UNC45B: variants seen among roughly 807,000 people sequenced by gnomAD.
UNC45B encodes unc-45 myosin chaperone B, also known as protein unc-45 homolog B.
UNC45B carries 78 observed loss-of-function variants against 98.7 expected under a neutral mutation model. The ratio of observed to expected loss-of-function variants is 0.79; its 90% CI spans 0.66 to 0.95. UNC45B has a LOEUF of 0.95. UNC45B is among the 40% of genes least tolerant of loss of function. UNC45B has a pLI of 0.00. For synonymous variants in UNC45B, 462 were observed against 480.4 expected, an observed-to-expected ratio of 0.96 and a Z score of 0.50; for missense variants, 1,225 against 1,184.9, an observed-to-expected ratio of 1.03 and a Z score of -0.50.
At chr17:35,164,469 C>T in intron 9 of UNC45B, 1 of 245,774 alleles carries the variant, frequency 4.1e-6, no homozygotes. Flanking sequence ...CTTGGTTCCT[C>T]TCCCTGCAGA....
intron 16 of UNC45B, 140 bp from the exon 17 acceptor site, chr17:35,177,355 C>A (rs1182329917): frequency 1.8e-5 from 13 of 716,890 alleles, no homozygotes; most frequent in Non-Finnish European, 2.8e-5. Flanking sequence ...ATAATCCTGC[C>A]TGTCAGGATC....
chr17:35,169,979 C>G, intron 11 of UNC45B, 48 bp downstream of exon 11: 1 of 1,611,816 alleles, frequency 6.2e-7, no homozygotes, highest in Non-Finnish European at 8.5e-7. Flanking sequence ...ATGCGCCTTC[C>G]GGGCAAGAGT....
intron 8 of UNC45B, 132 bp from the exon 9 acceptor site, chr17:35,163,863 A>T: frequency 9.2e-7 from 1 of 1,091,810 alleles, no homozygotes; most frequent in Non-Finnish European, 1.3e-6. Flanking sequence ...AGGCCCTTTC[A>T]TTCTGGATGA....
At chr17:35,182,091 C>CTT (rs199562451) in intron 18 of UNC45B, among the ~76,000 whole-genome samples, 4 of 144,832 alleles carry the variant, frequency 2.8e-5, no homozygotes, top group East Asian at 2.1e-4. Context: ...GGGTGGCTCA[C>CTT]TTTTTTTTTT....
chr17:35,166,548 G>A (rs2092142723), intron 9 of UNC45B, among the ~76,000 whole-genome samples: 3 of 152,142 alleles, frequency 2.0e-5, no homozygotes, highest in African/African-American at 7.2e-5. Flanking sequence ...AGGGGTCACT[G>A]CCTTCATCAA....
chr17:35,156,879 G>T (rs937242266), intron 7 of UNC45B, among the ~76,000 whole-genome samples: 1 of 151,912 alleles, frequency 6.6e-6, no homozygotes, highest in Non-Finnish European at 1.5e-5. Flanking sequence ...TCTGCACTGA[G>T]CATTATATTA....
intron 3 of UNC45B, 96 bp downstream of exon 3, chr17:35,149,105 G>C (rs773815470): frequency 5.0e-6 from 7 of 1,410,140 alleles, no homozygotes; most frequent in Non-Finnish European, 7.0e-6. Context: ...GAAACAGTGA[G>C]TATGGAGTGA....
At chr17:35,166,628 G>A (rs753274052) in intron 9 of UNC45B, among the ~76,000 whole-genome samples, 16 of 152,186 alleles carry the variant, frequency 1.1e-4, no homozygotes, top group Non-Finnish European at 2.1e-4. Flanking sequence ...GGCTGTGTGG[G>A]GACCCAGTGC....
chr17:35,149,044 C>T, intron 3 of UNC45B, 35 bp downstream of exon 3: 1 of 1,613,510 alleles, frequency 6.2e-7, no homozygotes, highest in Non-Finnish European at 8.5e-7. Flanking sequence ...TGCCCTGTCA[C>T]ATTCTCCTCT....
Position 35,164,051 on chromosome 17 carries a change from C to T in UNC45B, c.1036C>T (p.Pro346Ser), listed in dbSNP as rs571014198. 3 of 1,613,862 alleles carry T rather than the reference C, an allele frequency of 1.9e-6. No individual in the cohort carries two copies. Among genetic ancestry groups the T allele is most frequent in the African/African-American group, 1.3e-5 (1 of 74,868 alleles). Residue 346 changes from proline to serine, a missense_variant, in exon 9 of 20, where the codon CCC becomes TCC. Physicochemically the swap from Pro to Ser is moderately conservative, Grantham distance 74. Coordinates refer to ENST00000394570, the MANE Select transcript of UNC45B (RefSeq NM_001267052.2). ...GQVPDLPSCL[P>S]LTDNTRMLAS... ...GGTTCCAGATCTGCCATCCTGCCTG[C>T]CCCTGACTGACAACACCCGCATGCT...
chr17:35,171,510 C>A, intron 13 of UNC45B, 48 bp downstream of exon 13: 1 of 1,591,820 alleles, frequency 6.3e-7, no homozygotes, highest in Non-Finnish European at 8.6e-7. Context: ...GCCACTAGGC[C>A]TCCAAAGGAG....
In UNC45B at chr17:35,150,173, C is replaced by A. The variant is rs1192441457; in HGVS notation, c.331C>A (p.Gln111Lys). The A allele has an allele frequency of 6.2e-7, 1 of 1,613,660 alleles. No homozygotes were observed. The highest frequency in any genetic ancestry group is 1.3e-5 in the African/African-American group (1 of 74,944). The change falls in exon 4 of 20, where the codon CAG becomes AAG. Residue 111 changes from glutamine (Q) to lysine (K), a missense_variant. Coordinates refer to ENST00000394570, the MANE Select transcript of UNC45B (RefSeq NM_001267052.2). ...TTGTGCCACCCTCGAGCCACGGAAC[C>A]AGAACTTCCAGGAGATGCTGAGGAG... Reference protein sequence around the residue: ...QRCATLEPRNQNFQEMLRRLN... With the variant: ...QRCATLEPRNKNFQEMLRRLN...
chr17:35,160,395 G>A (rs563507258), intron 8 of UNC45B, among the ~76,000 whole-genome samples: 1 of 152,218 alleles, frequency 6.6e-6, no homozygotes, highest in African/African-American at 2.4e-5. Context: ...TTTTCCTTTG[G>A]TTTAGGGAGT....
rs1020060499 is a variant in UNC45B at position 35,174,504 on chromosome 17, G to A, written c.1958+135G>A. 9.3e-6 allele frequency: 12 copies of A among 1,285,814 alleles called. No individual in the cohort carries two copies. The African/African-American group carries it at 1.3e-4, about 14-fold the overall frequency. The allele number at this position is 1,285,814 out of a possible 1,614,324, so 79.7% of individuals were successfully genotyped here. On this transcript the variant is annotated intron_variant, in intron 14 of 19. Transcript: ENST00000394570. ...AAACTATTGGGAAAGCCTGGAGAAA[G>A]GTCTGAGGGGATCAGCTTTGAAAAG...
intron 9 of UNC45B, among the ~76,000 whole-genome samples, chr17:35,165,711 G>A (rs556649445): frequency 3.7e-4 from 57 of 152,298 alleles, no homozygotes; most frequent in African/African-American, 1.2e-3. Flanking sequence ...GCCGAGGAGC[G>A]CGGATCACCT....
chr17:35,165,268 C>A (rs1312985973), intron 9 of UNC45B, among the ~76,000 whole-genome samples: 1 of 152,212 alleles, frequency 6.6e-6, no homozygotes, highest in East Asian at 1.9e-4. Flanking sequence ...ACTCATGTGG[C>A]TTTGCAGAGC....
At chr17:35,176,743 A>T (rs1178307440) in intron 15 of UNC45B, among the ~76,000 whole-genome samples, 1 of 152,224 alleles carries the variant, frequency 6.6e-6, no homozygotes, top group Non-Finnish European at 1.5e-5. Flanking sequence ...AAAGTAAAAA[A>T]TTTGTTGATT....
At chr17:35,181,808 A>G (rs975657822) in intron 18 of UNC45B, among the ~76,000 whole-genome samples, 1 of 139,598 alleles carries the variant, frequency 7.2e-6, no homozygotes, top group Non-Finnish European at 1.6e-5. Context: ...AAAAAAAAAA[A>G]GCATATTAAA....
intron 17 of UNC45B, among the ~76,000 whole-genome samples, chr17:35,179,341 A>T (rs138415080): frequency 3.9e-5 from 6 of 152,264 alleles, no homozygotes; most frequent in African/African-American, 1.2e-4. Flanking sequence ...TTCACTCATG[A>T]TTTGGCTCTC....
Sources: allele counts gnomAD v4.1 joint callset (sites outside exome capture counted in the v4.1 genomes callset), GRCh38; gene constraint gnomAD v4.1.1; transcripts MANE v1.5; gene names NCBI Gene and HGNC (gene_info 2026-07-23, HGNC 2026-07-21).